The following PLCB1 variants were observed in gnomAD, a reference collection of about 807,000 sequenced individuals.
The protein encoded by PLCB1 is phospholipase C beta 1, also known as 1-phosphatidylinositol 4,5-bisphosphate phosphodiesterase beta-1.
PLCB1 carries 46 observed loss-of-function variants against 161.8 expected under a neutral mutation model. The ratio of observed to expected loss-of-function variants is 0.28; its 90% CI spans 0.22 to 0.36. The LOEUF (loss-of-function observed/expected upper bound fraction) is 0.36. Among genes scored for constraint, PLCB1 ranks in the 10% least tolerant of loss-of-function variants. The pLI is 1.00. For synonymous variants in PLCB1, 517 were observed against 503.7 expected (o/e 1.03, Z -0.35); for missense variants, 1,016 against 1,472.5 (o/e 0.69, Z 5.07).
chr20:8,528,802 A>G (rs1984680677), intron 3 of PLCB1, among the ~76,000 whole-genome samples: 1 of 151,978 alleles, frequency 6.6e-6, no homozygotes, highest in Non-Finnish European at 1.5e-5. Context: ...TACGTATTCA[A>G]TCATTAGACC....
intron 3 of PLCB1, among the ~76,000 whole-genome samples, chr20:8,575,603 A>G (rs1423074514): frequency 1.3e-5 from 2 of 152,236 alleles, no homozygotes; most frequent in Non-Finnish European, 2.9e-5. Flanking sequence ...TTTGGTGGAC[A>G]GGTTTATTTC....
At chr20:8,571,271 C>T (rs1265644083) in intron 3 of PLCB1, among the ~76,000 whole-genome samples, 2 of 152,074 alleles carry the variant, frequency 1.3e-5, no homozygotes, top group African/African-American at 4.8e-5. Flanking sequence ...GACTTGAGGT[C>T]AGGAGTTCAA....
chr20:8,546,796 A>G (rs1158796800), intron 3 of PLCB1, among the ~76,000 whole-genome samples: 1 of 131,866 alleles, frequency 7.6e-6, no homozygotes, highest in Non-Finnish European at 1.5e-5. Flanking sequence ...CCTCTTGACA[A>G]AAAAAAAAAA....
intron 3 of PLCB1, among the ~76,000 whole-genome samples, chr20:8,548,772 ATG>A (rs1985665001): frequency 5.2e-5 from 2 of 38,510 alleles, no homozygotes; most frequent in African/African-American, 2.2e-4. Context: ...TTTATGTTCC[ATG>A]TTCTCAAGCC....
At chr20:8,468,047 A>G (rs1041966319) in intron 3 of PLCB1, among the ~76,000 whole-genome samples, 5 of 152,200 alleles carry the variant, frequency 3.3e-5, no homozygotes, top group African/African-American at 9.6e-5. Flanking sequence ...AATAAAACAA[A>G]TGAAGTCATG....
At chr20:8,851,409 C>G (rs1435517303) in intron 31 of PLCB1, among the ~76,000 whole-genome samples, 1 of 152,184 alleles carries the variant, frequency 6.6e-6, no homozygotes, top group East Asian at 1.9e-4. Context: ...CAACAGGCCA[C>G]AGTAGCCTAG....
Position 8,769,941 on chromosome 20 carries a change from T to C in PLCB1, c.2930+4583T>C, listed in dbSNP as rs79374798. Among the ~76,000 whole-genome samples the C allele has an allele frequency of 7.2e-4, 109 of 152,182 alleles. 2 individuals carry two copies. In the East Asian group the frequency reaches 0.019, roughly 26 times the overall value. On this transcript the variant is annotated intron_variant, in intron 26 of 31. Transcript: ENST00000338037. Reference sequence around the variant, plus strand: ...ACTTGGGCTTTAAAAAGTAATAAAATCATCTCTTTTTTTTTTGTTTTTTGT... The same window carrying C: ...ACTTGGGCTTTAAAAAGTAATAAAACCATCTCTTTTTTTTTTGTTTTTTGT...
At position 8,244,518 on chromosome 20, in the gene PLCB1, A is replaced by G. The variant is rs1322871914; in HGVS notation, c.177+94147A>G. Among the ~76,000 whole-genome samples, 4 of 151,912 alleles carry G rather than the reference A, an allele frequency of 2.6e-5. No individual in the cohort carries two copies. In the East Asian group the frequency reaches 7.8e-4, roughly 30 times the overall value. On this transcript the variant is annotated intron_variant, in intron 2 of 31. Coordinates refer to ENST00000338037, the MANE Select transcript of PLCB1 (RefSeq NM_015192.4). The stretch of plus-strand genomic sequence containing the variant: ...TATGATTCCTTGTATATGAAATTCA[A>G]GAAAGGCAAAACTAATTGAAGCTGG...
chr20:8,452,003 T>C (rs1981095856), intron 3 of PLCB1, among the ~76,000 whole-genome samples: 1 of 152,186 alleles, frequency 6.6e-6, no homozygotes, highest in African/African-American at 2.4e-5. Flanking sequence ...GTAACCCAGT[T>C]AGGGAATTCT....
intron 2 of PLCB1, among the ~76,000 whole-genome samples, chr20:8,315,256 T>C (rs1600307802): frequency 6.6e-6 from 1 of 152,024 alleles, no homozygotes; most frequent in African/African-American, 2.4e-5. Context: ...CAGAAAAGGG[T>C]GAAGCAATTG....
At chr20:8,583,185 C>CA (rs1289386118) in intron 3 of PLCB1, among the ~76,000 whole-genome samples, 1 of 151,892 alleles carries the variant, frequency 6.6e-6, no homozygotes, top group African/African-American at 2.4e-5. Context: ...TGGTGGTTGC[C>CA]AGGGGCTAGG....
At chr20:8,862,934 A>T (rs1987303960) in intron 31 of PLCB1, among the ~76,000 whole-genome samples, 1 of 152,184 alleles carries the variant, frequency 6.6e-6, no homozygotes, top group Admixed American at 6.5e-5. Context: ...GGTAGCAATT[A>T]AAAGTGTGGC....
At chr20:8,240,458 C>G (rs924136279) in intron 2 of PLCB1, among the ~76,000 whole-genome samples, 2 of 151,852 alleles carry the variant, frequency 1.3e-5, no homozygotes, top group Non-Finnish European at 2.9e-5. Flanking sequence ...TTATTTGATG[C>G]ACAATATTTC....
At chr20:8,314,940 A>G (rs559592261) in intron 2 of PLCB1, among the ~76,000 whole-genome samples, 1 of 152,154 alleles carries the variant, frequency 6.6e-6, no homozygotes, top group Non-Finnish European at 1.5e-5. Flanking sequence ...ACTAATCAAG[A>G]TTGGTTACCG....
intron 7 of PLCB1, among the ~76,000 whole-genome samples, chr20:8,653,947 T>C (rs546258224): frequency 7.9e-4 from 120 of 152,196 alleles, no homozygotes; most frequent in African/African-American, 2.7e-3. Flanking sequence ...CTGCATAGAG[T>C]TGATGGGATT....
chr20:8,773,391 A>AT (rs1982789658), intron 26 of PLCB1, among the ~76,000 whole-genome samples: 1 of 152,220 alleles, frequency 6.6e-6, no homozygotes, highest in Non-Finnish European at 1.5e-5. Flanking sequence ...CCTACAGGTG[A>AT]TAATACAGAG....
chr20:8,431,044 T>A (rs1338215629), intron 3 of PLCB1, among the ~76,000 whole-genome samples: 2 of 151,954 alleles, frequency 1.3e-5, no homozygotes, highest in African/African-American at 4.8e-5. Flanking sequence ...GGTTTATATT[T>A]TATTATTATA....
chr20:8,292,363 T>G (rs979681214), intron 2 of PLCB1, among the ~76,000 whole-genome samples: 3 of 152,138 alleles, frequency 2.0e-5, no homozygotes, highest in South Asian at 2.1e-4. Context: ...ACAGTTGTGC[T>G]TTTTAGTGAA....
rs1304232526 is a variant in PLCB1 at position 8,884,293 on chromosome 20, T to A, written c.*2444T>A. ...AATAGACTAAGATAAAGAAAAGGGG[T>A]CTGTATGATGTGCAGTTTTGTGCCT... On this transcript the variant is annotated 3_prime_UTR_variant, in exon 32 of 32. Coordinates refer to ENST00000338037, the MANE Select transcript of PLCB1 (RefSeq NM_015192.4). The A allele has an allele frequency of 6.6e-6, 1 of 152,444 alleles. No homozygotes were observed. Among genetic ancestry groups the A allele is most frequent in the Non-Finnish European group, 1.5e-5 (1 of 68,000 alleles). 9.4% of individuals were successfully genotyped at this position (152,444 alleles called of 1,614,324 possible).
Sources: gnomAD v4.1 joint callset for allele counts (sites outside exome capture counted in the v4.1 genomes callset) on GRCh38, gnomAD v4.1.1 for gene constraint, MANE v1.5 for transcripts, NCBI Gene and HGNC (gene_info 2026-07-23, HGNC 2026-07-21) for gene names.